NEGR1: variants seen among roughly 807,000 people sequenced by gnomAD.
The protein encoded by NEGR1 is IgLON family member 4.
A neutral mutation model predicts 40.9 loss-of-function variants in NEGR1; 10 were observed. The ratio of observed to expected loss-of-function variants is 0.24; its 90% CI spans 0.15 to 0.42. The LOEUF (loss-of-function observed/expected upper bound fraction) is 0.42, where lower values mean the gene tolerates loss of function less well. Among genes scored for constraint, NEGR1 ranks in the 10% least tolerant of loss-of-function variants. The pLI is 1.00. For missense variants in NEGR1, 352 were observed against 438.9 expected (o/e 0.80, Z 1.77); for synonymous variants, 185 against 166.8 (o/e 1.11, Z -0.84).
chr1:72,071,223 A>G (rs1338140106), intron 1 of NEGR1, among the ~76,000 whole-genome samples: 1 of 152,064 alleles, frequency 6.6e-6, no homozygotes, highest in Non-Finnish European at 1.5e-5. Flanking sequence ...CTATTAGACT[A>G]AGATGAAGAA....
intron 6 of NEGR1, among the ~76,000 whole-genome samples, chr1:71,433,143 G>A (rs1287323945): frequency 2.0e-5 from 3 of 152,092 alleles, no homozygotes; most frequent in Admixed American, 6.6e-5. Context: ...GTGAGGATAC[G>A]GCAAGAAACA....
rs1422497638 is a variant in NEGR1, at chr1:71,402,958, T to C, written c.*4488A>G. ...ATGAAGCTGTGGGGGAAATCAGACA[T>C]TTATTAGAACATTTCCAGTTTTTTT... is the stretch of plus-strand genomic sequence containing the variant. On this transcript the variant is annotated 3_prime_UTR_variant, in exon 7 of 7. Coordinates refer to ENST00000357731, the MANE Select transcript of NEGR1 (RefSeq NM_173808.3). 6.6e-6 allele frequency: 1 copy of C among 152,084 alleles called. No individual in the cohort carries two copies. The highest frequency in any genetic ancestry group is 1.5e-5 in the Non-Finnish European group (1 of 67,976). 9.4% of individuals were successfully genotyped at this position (152,084 alleles called of 1,614,324 possible).
At chr1:71,446,974 G>A (rs1646586773) in intron 6 of NEGR1, among the ~76,000 whole-genome samples, 1 of 152,136 alleles carries the variant, frequency 6.6e-6, no homozygotes, top group Non-Finnish European at 1.5e-5. Context: ...TCTGTAACTG[G>A]AGTTCATTCA....
At chr1:71,644,716 A>C (rs1359500143) in intron 4 of NEGR1, among the ~76,000 whole-genome samples, 1 of 151,966 alleles carries the variant, frequency 6.6e-6, no homozygotes, top group East Asian at 1.9e-4. Context: ...AAATAGGAAA[A>C]ATATTAAATT....
intron 2 of NEGR1, among the ~76,000 whole-genome samples, chr1:71,846,684 A>T (rs1659425500): frequency 6.6e-6 from 1 of 152,140 alleles, no homozygotes; most frequent in South Asian, 2.1e-4. Context: ...GAAATATATC[A>T]CAATTCTGGA....
chr1:72,045,523 C>G lies in NEGR1; in HGVS notation c.177-110212G>C, dbSNP rs746535999. Among the ~76,000 whole-genome samples, 80 of 151,806 alleles carry G rather than the reference C, an allele frequency of 5.3e-4. 1 individual carries two copies. Among genetic ancestry groups the G allele is most frequent in the Non-Finnish European group, 1.0e-3 (69 of 67,796 alleles). ...TGATAGTGAATGGGTCTCATGAGAT[C>G]TGACAGTTTTAAAAATGAGAGTTTC... On this transcript the variant is annotated intron_variant, in intron 1 of 6. Transcript: ENST00000357731.
In NEGR1 at chr1:71,402,680, C is replaced by T. The variant is rs972884289; in HGVS notation, c.*4766G>A. 2 of 152,118 alleles carry T rather than the reference C, an allele frequency of 1.3e-5. No homozygotes were observed. Among genetic ancestry groups the T allele is most frequent in the Non-Finnish European group, 2.9e-5 (2 of 68,000 alleles). The allele number at this position is 152,118 out of a possible 1,614,324, so 9.4% of individuals were successfully genotyped here. A position where few individuals can be genotyped will look rare whatever the true frequency, so the allele number is the denominator to read the frequency against. ...GGGTGTTTGGATCAAATTCCACTAA[C>T]TTGAATGAATTACCTTGGAAAATTA... On this transcript the variant is annotated 3_prime_UTR_variant, in exon 7 of 7. Transcript: ENST00000357731.
chr1:71,979,756 A>G (rs1275034044), intron 1 of NEGR1, among the ~76,000 whole-genome samples: 3 of 152,174 alleles, frequency 2.0e-5, no homozygotes, highest in Admixed American at 6.5e-5. Flanking sequence ...GGTCAATCTG[A>G]GCCACTGAAA....
intron 4 of NEGR1, among the ~76,000 whole-genome samples, chr1:71,658,315 A>C (rs2101588261): frequency 6.6e-6 from 1 of 152,354 alleles, no homozygotes; most frequent in Middle Eastern, 3.4e-3. Flanking sequence ...ATTCTAAATA[A>C]AATGAGCTTC....
intron 1 of NEGR1, among the ~76,000 whole-genome samples, chr1:72,104,781 T>A (rs1649072894): frequency 6.6e-6 from 1 of 152,138 alleles, no homozygotes; most frequent in Non-Finnish European, 1.5e-5. Context: ...TTTGCCTTTG[T>A]ATCTCATTGC....
chr1:72,234,271 T>C (rs1654476721), intron 1 of NEGR1, among the ~76,000 whole-genome samples: 1 of 152,102 alleles, frequency 6.6e-6, no homozygotes, highest in Non-Finnish European at 1.5e-5. Context: ...TTGCTAAAGA[T>C]AATGGTCTCT....
chr1:71,970,659 C>A (rs1046592160), intron 1 of NEGR1, among the ~76,000 whole-genome samples: 3 of 151,992 alleles, frequency 2.0e-5, no homozygotes, highest in African/African-American at 7.2e-5. Flanking sequence ...CTGCAATCCA[C>A]CCTGGGCAAC....
intron 1 of NEGR1, among the ~76,000 whole-genome samples, chr1:71,973,079 C>T (rs1461429181): frequency 3.9e-5 from 6 of 151,968 alleles, no homozygotes; most frequent in Admixed American, 3.9e-4. Flanking sequence ...ATTCATAAGG[C>T]ACTCAGTTAA....
At chr1:71,419,516 C>A (rs576605773) in intron 6 of NEGR1, among the ~76,000 whole-genome samples, 26 of 152,130 alleles carry the variant, frequency 1.7e-4, no homozygotes, top group African/African-American at 4.1e-4. Context: ...ACAACAACAA[C>A]AAAAAACCCA....
At chr1:71,485,792 A>G (rs1646884148) in intron 6 of NEGR1, among the ~76,000 whole-genome samples, 1 of 151,660 alleles carries the variant, frequency 6.6e-6, no homozygotes, top group Admixed American at 6.6e-5. Flanking sequence ...GTGCTGAATA[A>G]TATTCCACCG....
intron 2 of NEGR1, among the ~76,000 whole-genome samples, chr1:71,795,360 C>T (rs1657282871): frequency 6.6e-6 from 1 of 151,966 alleles, no homozygotes; most frequent in African/African-American, 2.4e-5. Flanking sequence ...TTTATATCTA[C>T]ATTAAAGTTT....
intron 6 of NEGR1, among the ~76,000 whole-genome samples, chr1:71,564,247 G>C (rs1378455436): frequency 6.6e-6 from 1 of 151,884 alleles, no homozygotes; most frequent in African/African-American, 2.4e-5. Context: ...CCCTTGCTAG[G>C]GGAATGCACG....
At chr1:71,688,403 T>TATAAAAGATATATAGAA (rs1557613864) in intron 4 of NEGR1, among the ~76,000 whole-genome samples, 1 of 30,148 alleles carries the variant, frequency 3.3e-5, no homozygotes, top group South Asian at 1.3e-3. Context: ...AATATATATA[T>TATAAAAGATATATAGAA]AAGATATATA....
chr1:72,173,641 T>C (rs570059431), intron 1 of NEGR1, among the ~76,000 whole-genome samples: 1 of 151,944 alleles, frequency 6.6e-6, no homozygotes, highest in South Asian at 2.1e-4. Flanking sequence ...TAATAAAGGA[T>C]AGATGAAAAT....
Sources: gnomAD v4.1 joint callset for allele counts (sites outside exome capture counted in the v4.1 genomes callset) on GRCh38, gnomAD v4.1.1 for gene constraint, MANE v1.5 for transcripts, NCBI Gene and HGNC (gene_info 2026-07-23, HGNC 2026-07-21) for gene names.